The following LAMA1 variants were observed in gnomAD, a reference collection of about 807,000 sequenced individuals.
LAMA1 encodes laminin subunit alpha 1, also known as laminin subunit alpha-1.
In LAMA1, 219 loss-of-function variants were observed where a neutral mutation model predicts 348.7. The ratio of observed to expected loss-of-function variants is 0.63; its 90% CI spans 0.56 to 0.70. LAMA1 has a LOEUF of 0.70. Ranked by LOEUF, LAMA1 falls within the 30% of genes least tolerant of loss-of-function variation. The probability of loss-of-function intolerance (pLI) is 0.00; values close to 1 mark genes in which losing one functional copy is unlikely to be tolerated. For synonymous variants in LAMA1, 1,487 were observed against 1,491.0 expected, an observed-to-expected ratio of 1.00 and a Z score of 0.06; for missense variants, 3,744 against 3,888.0, an observed-to-expected ratio of 0.96 and a Z score of 0.99.
chr18:7,012,420 G>A (rs1018051523), intron 23 of LAMA1, among the ~76,000 whole-genome samples: 1 of 151,258 alleles, frequency 6.6e-6, no homozygotes, highest in African/African-American at 2.4e-5. Flanking sequence ...AAGCCGCCTC[G>A]AGTCTCCAGG....
chr18:7,091,995 A>G (rs1443906636), intron 1 of LAMA1, among the ~76,000 whole-genome samples: 1 of 152,224 alleles, frequency 6.6e-6, no homozygotes, highest in African/African-American at 2.4e-5. Flanking sequence ...TCTTACAGAC[A>G]AAGAAATCAT....
intron 3 of LAMA1, among the ~76,000 whole-genome samples, chr18:7,065,980 A>T (rs527777588): frequency 6.6e-6 from 1 of 152,192 alleles, no homozygotes; most frequent in Non-Finnish European, 1.5e-5. Context: ...ATCAACAGGC[A>T]GCTGTCCCAG....
chr18:7,097,820 C>A (rs1323067063), intron 1 of LAMA1, among the ~76,000 whole-genome samples: 2 of 151,968 alleles, frequency 1.3e-5, no homozygotes, highest in African/African-American at 4.8e-5. Flanking sequence ...AATGAACTTA[C>A]ACCTCTCCCT....
Position 6,943,160 on chromosome 18 carries a change from G to A in LAMA1, c.9067+20C>T, listed in dbSNP as rs779062335. ...GGGACAGTGCCCCTTTTGAGTGGAA[G>A]AGCAGGTACCCGTACATACCAGGAT... On this transcript the variant is annotated intron_variant, in intron 62 of 62. Transcript: ENST00000389658. 3 of 1,603,392 alleles carry A rather than the reference G, an allele frequency of 1.9e-6. No homozygotes were observed. In the African/African-American group the frequency reaches 4.0e-5, roughly 21 times the overall value.
chr18:7,011,328 C>T lies in LAMA1; in HGVS notation c.3659G>A (p.Arg1220Gln), dbSNP rs367987988. 103 of 1,612,026 alleles carry T rather than the reference C, an allele frequency of 6.4e-5. No individual in the cohort carries two copies. The highest frequency in any genetic ancestry group is 7.8e-5 in the Non-Finnish European group (92 of 1,179,620). Residue 1220 changes from arginine (R) to glutamine (Q), a missense_variant, in exon 25 of 63, where the codon CGG becomes CAG. By Grantham distance (43) the Arg-to-Gln change is conservative. Coordinates refer to ENST00000389658, the MANE Select transcript of LAMA1 (RefSeq NM_005559.4). ...GTCTCCTTGGAACTGCTGCGGCAGCCGCCAGTAAAACGGCTCTGCACGGAT... is the reference window on the plus strand; with the variant it reads ...GTCTCCTTGGAACTGCTGCGGCAGCTGCCAGTAAAACGGCTCTGCACGGAT... ...QHIRAEPFYW[R>Q]LPQQFQGDQL...
Position 6,997,715 on chromosome 18 carries a change from G to A in LAMA1, c.4806+27C>T, listed in dbSNP as rs774788740. The A allele has an allele frequency of 3.7e-6, 6 of 1,608,636 alleles. No homozygotes were observed. The African/African-American group carries it at 6.7e-5, about 18-fold the overall frequency. ...ATATCCCTTAATGATACAAGTGTCT[G>A]TTCATCTCTGTATTTCCAGTACCTA... On this transcript the variant is annotated intron_variant, in intron 33 of 62. Coordinates refer to ENST00000389658, the MANE Select transcript of LAMA1 (RefSeq NM_005559.4).
intron 1 of LAMA1, among the ~76,000 whole-genome samples, chr18:7,087,689 G>A (rs1242273709): frequency 4.6e-5 from 7 of 152,174 alleles, no homozygotes; most frequent in Admixed American, 4.6e-4. Flanking sequence ...GAAATCGCTA[G>A]TGCCTAGGAA....
In LAMA1 at chr18:6,977,830, A is replaced by G; in HGVS notation, c.6242T>C (p.Leu2081Ser). 1 of 1,614,122 alleles carries G rather than the reference A, an allele frequency of 6.2e-7. No individual in the cohort carries two copies. Reference sequence around the variant, plus strand: ...CTTCAAAGGCTTCAACCGATCAAACAAAAGGTTGGCTTGAATTTCCACGTC... The same window carrying G: ...CTTCAAAGGCTTCAACCGATCAAACGAAAGGTTGGCTTGAATTTCCACGTC... Reference protein sequence around the residue: ...VKDVEIQANLLFDRLKPLKML... With the variant: ...VKDVEIQANLSFDRLKPLKML... The change falls in exon 44 of 63, where the codon TTG becomes TCG. Residue 2081 changes from leucine to serine, a missense_variant. Around this residue, in one of 3 missense-constraint regions of LAMA1, gnomAD observed 1,983 missense variants for 1,934.3 expected, o/e 1.03. Transcript: ENST00000389658.
At chr18:7,022,860 T>A (rs2057924243) in intron 19 of LAMA1, among the ~76,000 whole-genome samples, 1 of 152,138 alleles carries the variant, frequency 6.6e-6, no homozygotes, top group Admixed American at 6.5e-5. Flanking sequence ...CTTCCCCACT[T>A]TCATTTCAGT....
At chr18:7,036,621 T>C (rs1386291928) in intron 12 of LAMA1, among the ~76,000 whole-genome samples, 1 of 152,006 alleles carries the variant, frequency 6.6e-6, no homozygotes, top group African/African-American at 2.4e-5. Context: ...CTTTGCACCA[T>C]AAAATTGGAG....
At chr18:7,019,148 C>T (rs750933675) in intron 19 of LAMA1, among the ~76,000 whole-genome samples, 5 of 152,040 alleles carry the variant, frequency 3.3e-5, no homozygotes, top group African/African-American at 7.2e-5. Flanking sequence ...ATCCAAGTTT[C>T]GCATAGTGTC....
In LAMA1 at chr18:6,965,415, G is replaced by A. The variant is rs146125302; in HGVS notation, c.7068C>T (p.Ile2356=). 22 of 1,613,964 alleles carry A rather than the reference G, an allele frequency of 1.4e-5. No homozygotes were observed. Among genetic ancestry groups the A allele is most frequent in the Middle Eastern group, 1.6e-4 (1 of 6,084 alleles). The change falls in exon 50 of 63, where the codon ATC becomes ATT. Residue 2356 remains isoleucine (I), a synonymous_variant. Coordinates refer to ENST00000389658, the MANE Select transcript of LAMA1 (RefSeq NM_005559.4). ...CCTTCACTCTGCCACGAAACAGCTC[G>A]ATGGATAAAAAGTCTTTCTGTAAAA... ...GSYGTKDFLS[I]ELFRGRVKVM...
intron 19 of LAMA1, among the ~76,000 whole-genome samples, chr18:7,018,386 T>C (rs1193697505): frequency 9.9e-6 from 1 of 101,138 alleles, no homozygotes; most frequent in Non-Finnish European, 2.1e-5. Context: ...CCTGACAAAA[T>C]ATTCCAGGTA....
At chr18:7,068,056 T>A (rs1026398675) in intron 3 of LAMA1, among the ~76,000 whole-genome samples, 14 of 152,320 alleles carry the variant, frequency 9.2e-5, no homozygotes, top group African/African-American at 3.1e-4. Context: ...TTTGTCCATG[T>A]TGGTCAGGCT....
chr18:6,994,036 G>A (rs960660301), intron 34 of LAMA1, among the ~76,000 whole-genome samples: 2 of 152,178 alleles, frequency 1.3e-5, no homozygotes, highest in African/African-American at 4.8e-5. Context: ...GATTCTCCTA[G>A]TGGCTATACT....
At chr18:7,042,293 C>T (rs553791730) in intron 8 of LAMA1, 43 bp from the exon 9 acceptor site, 3 of 1,151,126 alleles carry the variant, frequency 2.6e-6, no homozygotes, top group Non-Finnish European at 3.9e-6. Context: ...CTAGAAATAA[C>T]AGCAATGTTG....
intron 54 of LAMA1, 144 bp from the exon 55 acceptor site, chr18:6,958,806 A>C: frequency 1.5e-6 from 1 of 677,044 alleles, no homozygotes; most frequent in East Asian, 2.7e-5. Context: ...GTCTGTGACC[A>C]AAAAGGTGAA....
chr18:7,030,027 C>T (rs1029276660), intron 16 of LAMA1, among the ~76,000 whole-genome samples: 4 of 151,298 alleles, frequency 2.6e-5, no homozygotes, highest in East Asian at 3.9e-4. Context: ...GATGCTACCA[C>T]GTTTTTTGTA....
chr18:7,085,458 G>GCC (rs1176857934), intron 1 of LAMA1, among the ~76,000 whole-genome samples: 2 of 116,550 alleles, frequency 1.7e-5, no homozygotes, highest in African/African-American at 6.7e-5. Flanking sequence ...TTGCTCTGTC[G>GCC]CCCAGGCTGT....
Sources: allele counts gnomAD v4.1 joint callset (sites outside exome capture counted in the v4.1 genomes callset), GRCh38; gene constraint gnomAD v4.1.1; regional missense constraint gnomAD v4.1.1; transcripts MANE v1.5; gene names NCBI Gene and HGNC (gene_info 2026-07-23, HGNC 2026-07-21).